The following ENGASE variants were observed in gnomAD, a reference collection of about 807,000 sequenced individuals.
ENGASE encodes cytosolic endo-beta-N-acetylglucosaminidase.
In ENGASE, 69 loss-of-function variants were observed where a neutral mutation model predicts 78.5. That is an observed-to-expected ratio of 0.88 (90% confidence interval 0.72 to 1.07). The LOEUF (loss-of-function observed/expected upper bound fraction) is 1.07, where lower values mean the gene tolerates loss of function less well. ENGASE is among the 50% of genes least tolerant of loss of function. ENGASE has a pLI of 0.00. For synonymous variants in ENGASE, 408 were observed against 408.9 expected (o/e 1.00, Z 0.03); for missense variants, 943 against 988.4 (o/e 0.95, Z 0.62).
At chr17:79,076,011 T>C in intron 1 of ENGASE, 1 of 532,756 alleles carries the variant, frequency 1.9e-6, no homozygotes, top group Non-Finnish European at 2.4e-6. Flanking sequence ...CTGCGGCATC[T>C]CTGCTTGAAT....
At chr17:79,080,173 C>G in intron 4 of ENGASE, 34 bp from the exon 5 acceptor site, 1 of 1,556,704 alleles carries the variant, frequency 6.4e-7, no homozygotes, top group Non-Finnish European at 8.7e-7. Context: ...AAGTGATTCC[C>G]GTGGCTGACC....
At chr17:79,085,449 G>C in intron 12 of ENGASE, 107 bp downstream of exon 12, 2 of 1,341,898 alleles carry the variant, frequency 1.5e-6, no homozygotes, top group South Asian at 2.9e-5. Flanking sequence ...CAGGTTTTGG[G>C]CAGCTCTGAG....
chr17:79,082,946 C>T (rs1402050007), intron 7 of ENGASE, 74 bp from the exon 8 acceptor site: 3 of 1,586,698 alleles, frequency 1.9e-6, no homozygotes, highest in African/African-American at 2.7e-5. Flanking sequence ...GAGCCCCAAC[C>T]CACGTCACTG....
rs907548801 is a variant in ENGASE at position 79,088,371 on chromosome 17, G to A, written c.*2022G>A. On this transcript the variant is annotated 3_prime_UTR_variant, in exon 14 of 14. Transcript: ENST00000579016. ...GTTCCCCCGAATATTTTATGCAGAGGAGGGAAAATTTATAGTGGCAATTAT... is the reference window on the plus strand; with the variant it reads ...GTTCCCCCGAATATTTTATGCAGAGAAGGGAAAATTTATAGTGGCAATTAT... 1 of 152,198 alleles carries A rather than the reference G, an allele frequency of 6.6e-6. No individual in the cohort carries two copies. The highest frequency in any genetic ancestry group is 2.4e-5 in the African/African-American group (1 of 41,440). 9.4% of individuals were successfully genotyped at this position (152,198 alleles called of 1,614,324 possible).
Position 79,074,878 on chromosome 17 carries a change from T to C in ENGASE, c.-67T>C. On this transcript the variant is annotated 5_prime_UTR_variant, in exon 1 of 14. Coordinates refer to ENST00000579016, the MANE Select transcript of ENGASE (RefSeq NM_001042573.3). Reference sequence around the variant, plus strand: ...CGGCGTCAGCGCTGCGCACTTCCCATTGGCCGAGCGCGGCGCGGGGGCGGG... The same window carrying C: ...CGGCGTCAGCGCTGCGCACTTCCCACTGGCCGAGCGCGGCGCGGGGGCGGG... The C allele has an allele frequency of 2.4e-6, 3 of 1,226,670 alleles. No individual in the cohort carries two copies. Among genetic ancestry groups the C allele is most frequent in the South Asian group, 3.8e-5 (1 of 26,030 alleles). The allele number at this position is 1,226,670 out of a possible 1,614,324, so 76.0% of individuals were successfully genotyped here. A position where few individuals can be genotyped will look rare whatever the true frequency, so the allele number is the denominator to read the frequency against.
Position 79,084,534 on chromosome 17 carries a change from C to A in ENGASE, c.1443-4C>A. Reference sequence around the variant, plus strand: ...GGCACCCATCACAGGACCTTTTTCCCCAGGTTATTTTCCCTGCAGGCCCCA... The same window carrying A: ...GGCACCCATCACAGGACCTTTTTCCACAGGTTATTTTCCCTGCAGGCCCCA... On this transcript the variant is annotated splice_region_variant and splice_polypyrimidine_tract_variant and intron_variant, in intron 10 of 13. Transcript: ENST00000579016. 6.4e-7 allele frequency: 1 copy of A among 1,560,618 alleles called. No individual in the cohort carries two copies. The highest frequency in any genetic ancestry group is 2.4e-5 in the East Asian group (1 of 41,668).
Position 79,086,570 on chromosome 17 carries a change from G to A in ENGASE, c.*221G>A, listed in dbSNP as rs1241724005. On this transcript the variant is annotated 3_prime_UTR_variant, in exon 14 of 14. Transcript: ENST00000579016. ...GGATCGCAGCGTTGGTCACTGCGAG[G>A]CGAGTGGCGGGCTTTCTGTTTCTGC... 2 of 598,832 alleles carry A rather than the reference G, an allele frequency of 3.3e-6. No homozygotes were observed. The highest frequency in any genetic ancestry group is 3.7e-5 in the African/African-American group (2 of 53,880). The allele number at this position is 598,832 out of a possible 1,614,324, so 37.1% of individuals were successfully genotyped here. A position where few individuals can be genotyped will look rare whatever the true frequency, so the allele number is the denominator to read the frequency against.
chr17:79,077,105 A>G (rs1599331282), intron 1 of ENGASE, among the ~76,000 whole-genome samples: 3 of 152,216 alleles, frequency 2.0e-5, no homozygotes, highest in African/African-American at 7.2e-5. Flanking sequence ...TCCTGACCTC[A>G]GGTGATTCGC....
rs1366790468 is a variant in ENGASE, at chr17:79,080,360, T to C, written c.719T>C (p.Leu240Pro). The stretch of plus-strand genomic sequence containing the variant: ...TGGCTGATCAACATCGAGAACTCGC[T>C]GAGTGTGAGTGCCCAGCCCTCACCC... ...DGWLINIENS[L>P]SLAAVGNMPP... The change falls in exon 5 of 14, where the codon CTG becomes CCG. Residue 240 changes from leucine (L) to proline (P), a missense_variant. Coordinates refer to ENST00000579016, the MANE Select transcript of ENGASE (RefSeq NM_001042573.3). 1 of 1,612,750 alleles carries C rather than the reference T, an allele frequency of 6.2e-7. No homozygotes were observed. Among genetic ancestry groups the C allele is most frequent in the African/African-American group, 1.3e-5 (1 of 74,926 alleles).
At chr17:79,076,854 T>G (rs2072979948) in intron 1 of ENGASE, among the ~76,000 whole-genome samples, 1 of 152,118 alleles carries the variant, frequency 6.6e-6, no homozygotes, top group African/African-American at 2.4e-5. Context: ...GGTGGCTGCT[T>G]TAGAGGGTAA....
rs2073217851 is a variant in ENGASE, at chr17:79,083,902, C to G, written c.1393C>G (p.Leu465Val). 2 of 1,611,896 alleles carry G rather than the reference C, an allele frequency of 1.2e-6. No homozygotes were observed. The highest frequency in any genetic ancestry group is 1.7e-6 in the Non-Finnish European group (2 of 1,179,884). Residue 465 changes from leucine (L) to valine (V), a missense_variant, in exon 10 of 14, where the codon CTG (leucine) becomes GTG (valine). Coordinates refer to ENST00000579016, the MANE Select transcript of ENGASE (RefSeq NM_001042573.3). The surrounding 1 kb of genome is among the most constrained non-coding windows in gnomAD (Gnocchi z 4.9). ...LEDAWHGGSS[L>V]LVRGVIPPEV... ...GGATGCCTGGCACGGAGGCAGCTCC[C>G]TGCTCGTCCGGGGTGTGATCCCACC...
At position 79,082,872 on chromosome 17, in the gene ENGASE, C is replaced by T. The variant is rs1022836595; in HGVS notation, c.1039-148C>T. 4.5e-6 allele frequency: 7 copies of T among 1,572,510 alleles called. No homozygotes were observed. In the African/African-American group the frequency reaches 8.1e-5, roughly 18 times the overall value. ...AACGACGGGGGTGATGCCCAGCAGC[C>T]TCCAGGTGCATCTAGGAGGGAGGGG... is the stretch of plus-strand genomic sequence containing the variant. On this transcript the variant is annotated intron_variant, in intron 7 of 13. Transcript: ENST00000579016.
At position 79,086,330 on chromosome 17, in the gene ENGASE, T is replaced by G; in HGVS notation, c.2213T>G (p.Leu738Arg). Residue 738 changes from leucine to arginine, a missense_variant, in exon 14 of 14, where the codon CTT becomes CGT. Physicochemically the swap from Leu to Arg is moderately radical, Grantham distance 102. Transcript: ENST00000579016. ...GCCGAGTGGGGCAGGGCAGTTCTGCTTTATTCAGCCCCTGCATGAGCGGAT... is the reference window on the plus strand; with the variant it reads ...GCCGAGTGGGGCAGGGCAGTTCTGCGTTATTCAGCCCCTGCATGAGCGGAT... The part of the protein sequence containing the change: ...PQAEWGRAVL[L>R]YSAPA 1 of 1,612,902 alleles carries G rather than the reference T, an allele frequency of 6.2e-7. No homozygotes were observed. Among genetic ancestry groups the G allele is most frequent in the Non-Finnish European group, 8.5e-7 (1 of 1,179,794 alleles).
chr17:79,076,131 G>A (rs1048042697), intron 1 of ENGASE, among the ~76,000 whole-genome samples: 3 of 152,198 alleles, frequency 2.0e-5, no homozygotes, highest in Non-Finnish European at 4.4e-5. Flanking sequence ...ACAGGCCTCT[G>A]AATGGCAGTG....
At chr17:79,075,618 C>A in intron 1 of ENGASE, 2 of 858,622 alleles carry the variant, frequency 2.3e-6, no homozygotes, top group South Asian at 5.3e-5. Context: ...GACGAACATG[C>A]CCCTCTGGGC....
At chr17:79,085,562 G>A in intron 12 of ENGASE, 58 bp from the exon 13 acceptor site, 1 of 1,598,860 alleles carries the variant, frequency 6.3e-7, no homozygotes, top group Non-Finnish European at 8.5e-7. Flanking sequence ...CCTCTGGACG[G>A]CTCACCCTGG....
At chr17:79,077,555 G>C in intron 2 of ENGASE, 58 bp downstream of exon 2, 1 of 1,556,268 alleles carries the variant, frequency 6.4e-7, no homozygotes, top group Non-Finnish European at 8.7e-7. Flanking sequence ...CTTTGGGGCA[G>C]GTCAGCCCCT....
In ENGASE at chr17:79,083,465, C is replaced by G; in HGVS notation, c.1143-17C>G. ...CCCTTCCTCCGGACCGAGCTGTTGCCCCCATGTCTCTGGCAGGTTCTGGGG... is the reference window on the plus strand; with the variant it reads ...CCCTTCCTCCGGACCGAGCTGTTGCGCCCATGTCTCTGGCAGGTTCTGGGG... On this transcript the variant is annotated splice_polypyrimidine_tract_variant and intron_variant, in intron 8 of 13. Coordinates refer to ENST00000579016, the MANE Select transcript of ENGASE (RefSeq NM_001042573.3). The surrounding 1 kb of genome is among the most constrained non-coding windows in gnomAD (Gnocchi z 4.9). 1 of 1,601,720 alleles carries G rather than the reference C, an allele frequency of 6.2e-7. No homozygotes were observed.
At chr17:79,084,802 T>A (rs543491109) in intron 11 of ENGASE, 116 bp downstream of exon 11, 1 of 1,192,396 alleles carries the variant, frequency 8.4e-7, no homozygotes, top group East Asian at 2.4e-5. Flanking sequence ...GGGGGGTACA[T>A]CCTGCCTTTG....
Sources: gnomAD v4.1 joint callset for allele counts (sites outside exome capture counted in the v4.1 genomes callset) on GRCh38, gnomAD v4.1.1 for gene constraint, Gnocchi (gnomAD v3.1) non-coding constraint, MANE v1.5 for transcripts, NCBI Gene and HGNC (gene_info 2026-07-23, HGNC 2026-07-21) for gene names.